The following XDH variants were observed in gnomAD, a reference collection of about 807,000 sequenced individuals.
XDH encodes xanthine dehydrogenase/oxidase.
A neutral mutation model predicts 156.1 loss-of-function variants in XDH; 138 were observed. The ratio of observed to expected loss-of-function variants is 0.88; its 90% CI spans 0.77 to 1.02. XDH has a LOEUF of 1.02. Among genes scored for constraint, XDH ranks in the 50% least tolerant of loss-of-function variants. XDH has a pLI of 0.00. For missense variants in XDH, 1,849 were observed against 1,684.9 expected (o/e 1.10, Z -1.71); for synonymous variants, 669 against 625.7 (o/e 1.07, Z -1.03).
chr2:31,396,824 G>A (rs976561191), intron 6 of XDH, among the ~76,000 whole-genome samples: 3 of 152,164 alleles, frequency 2.0e-5, no homozygotes, highest in African/African-American at 7.2e-5. Flanking sequence ...AGAGTGTGGT[G>A]TTTTCCATCC....
intron 19 of XDH, 111 bp downstream of exon 19, chr2:31,368,430 A>G: frequency 2.9e-6 from 4 of 1,388,162 alleles, no homozygotes; most frequent in South Asian, 1.2e-5. Flanking sequence ...TTAAAAACCC[A>G]TCTAGTCAAA....
chr2:31,369,213 G>A (rs45529840), intron 18 of XDH, among the ~76,000 whole-genome samples: 11 of 151,952 alleles, frequency 7.2e-5, no homozygotes, highest in East Asian at 1.9e-4. Flanking sequence ...TGTAAGACAC[G>A]TACTTACAAG....
chr2:31,354,992 A>T (rs1259716351), intron 24 of XDH, among the ~76,000 whole-genome samples: 1 of 152,220 alleles, frequency 6.6e-6, no homozygotes, highest in Non-Finnish European at 1.5e-5. Flanking sequence ...TATCATAATT[A>T]AACTTCTGAA....
Position 31,349,562 on chromosome 2 carries a change from G to C in XDH, c.2969+124C>G, listed in dbSNP as rs533559059. 5.7e-6 allele frequency: 8 copies of C among 1,410,730 alleles called. No homozygotes were observed. In the African/African-American group the frequency reaches 1.1e-4, roughly 20 times the overall value. The allele number at this position is 1,410,730 out of a possible 1,614,324, so 87.4% of individuals were successfully genotyped here. ...ATCTTAAAGAGATGGCTGTGAATGA[G>C]TTGGCAAACTCAGCAGTCTCATAAG... is the stretch of plus-strand genomic sequence containing the variant. On this transcript the variant is annotated intron_variant, in intron 26 of 35. Coordinates refer to ENST00000379416, the MANE Select transcript of XDH (RefSeq NM_000379.4).
chr2:31,353,167 C>G (rs557746383), intron 24 of XDH, among the ~76,000 whole-genome samples: 29 of 152,226 alleles, frequency 1.9e-4, no homozygotes, highest in Admixed American at 6.5e-4. Context: ...TCCAAGCCCT[C>G]TAGTTATTTT....
intron 35 of XDH, among the ~76,000 whole-genome samples, chr2:31,337,019 A>G (rs1003551322): frequency 6.6e-6 from 1 of 151,454 alleles, no homozygotes; most frequent in Non-Finnish European, 1.5e-5. Context: ...TACAAGTATC[A>G]CATAGGTGCT....
intron 20 of XDH, 129 bp from the exon 21 acceptor site, chr2:31,367,123 G>A (rs1181370769): frequency 5.3e-6 from 8 of 1,507,902 alleles, no homozygotes; most frequent in Non-Finnish European, 7.2e-6. Flanking sequence ...GTAACCTCAA[G>A]GTTTCCCACT....
In XDH at chr2:31,366,908, C is replaced by T; in HGVS notation, c.2284G>A (p.Glu762Lys). Residue 762 changes from glutamate to lysine, a missense_variant, in exon 21 of 36, where the codon GAG (glutamate) becomes AAG (lysine). Transcript: ENST00000379416. Reference sequence around the variant, plus strand: ...GTGTTCTGTGTAGACACAAAGAGCTCCATCTCCCCTGCCTCGCCTTTTGGA... The same window carrying T: ...GTGTTCTGTGTAGACACAAAGAGCTTCATCTCCCCTGCCTCGCCTTTTGGA... ...AVPKGEAGEM[E>K]LFVSTQNTMK... 6.2e-7 allele frequency: 1 copy of T among 1,614,224 alleles called. No individual in the cohort carries two copies. Among genetic ancestry groups the T allele is most frequent in the Non-Finnish European group, 8.5e-7 (1 of 1,180,028 alleles).
At chr2:31,364,351 A>G in intron 23 of XDH, 107 bp from the exon 24 acceptor site, 1 of 1,087,426 alleles carries the variant, frequency 9.2e-7, no homozygotes, top group African/African-American at 1.5e-5. Context: ...GGAAATAAAC[A>G]GAACACCACA....
At chr2:31,361,696 T>C (rs1685785128) in intron 24 of XDH, among the ~76,000 whole-genome samples, 1 of 152,206 alleles carries the variant, frequency 6.6e-6, no homozygotes, top group Admixed American at 6.5e-5. Flanking sequence ...GCAGGTTGGC[T>C]TAATGAGGAA....
intron 26 of XDH, 73 bp from the exon 27 acceptor site, chr2:31,349,053 A>G: frequency 7.0e-7 from 1 of 1,420,456 alleles, no homozygotes; most frequent in Non-Finnish European, 9.8e-7. Context: ...GGATGTTCAC[A>G]TCAAAACAGG....
In XDH at chr2:31,379,925, T is replaced by C. The variant is rs34929837; in HGVS notation, c.1184A>G (p.Lys395Arg). The C allele has an allele frequency of 6.2e-7, 1 of 1,614,150 alleles. No homozygotes were observed. The highest frequency in any genetic ancestry group is 1.1e-5 in the South Asian group (1 of 91,078). Reference protein sequence around the residue: ...MDHTFFPGYRKTLLSPEEILL... With the variant: ...MDHTFFPGYRRTLLSPEEILL... Reference sequence around the variant, plus strand: ...TATCTCCTCCGGGCTCAGCAGGGTCTTTCTGTAGCCAGGGAAGAAGGTGTG... The same window carrying C: ...TATCTCCTCCGGGCTCAGCAGGGTCCTTCTGTAGCCAGGGAAGAAGGTGTG... Residue 395 changes from lysine to arginine, a missense_variant, in exon 13 of 36, where the codon AAG (lysine) becomes AGG (arginine). By Grantham distance (26) the Lys-to-Arg change is conservative. Coordinates refer to ENST00000379416, the MANE Select transcript of XDH (RefSeq NM_000379.4).
In XDH at chr2:31,364,234, A is replaced by C; in HGVS notation, c.2555T>G (p.Met852Arg). Residue 852 changes from methionine (M) to arginine (R), a missense_variant, in exon 24 of 36, where the codon ATG becomes AGG. Met to Arg is a moderately conservative substitution (Grantham distance 91). Transcript: ENST00000379416. The part of the protein sequence containing the change: ...PFLARYKVGF[M>R]KTGTVVALEV... ...AAGAGCCACAACTGTCCCAGTCTTC[A>C]TGAAGCCAACCTGATAAAAGGAGAA... 1 of 1,614,162 alleles carries C rather than the reference A, an allele frequency of 6.2e-7. No individual in the cohort carries two copies. The highest frequency in any genetic ancestry group is 8.5e-7 in the Non-Finnish European group (1 of 1,180,040).
chr2:31,338,070 G>A (rs1476936540), intron 34 of XDH, among the ~76,000 whole-genome samples: 2 of 152,182 alleles, frequency 1.3e-5, no homozygotes, highest in Admixed American at 6.5e-5. Flanking sequence ...AATTTTCTCT[G>A]ATGACATCAT....
chr2:31,350,334 A>G lies in XDH; in HGVS notation c.2632-111T>C, dbSNP rs1685434059. On this transcript the variant is annotated intron_variant, in intron 24 of 35. Transcript: ENST00000379416. ...TTGCCTGCCTTTCCCCTCTGCACCC[A>G]AGTTATTTCTCCCCCAGGATATTGC... 2.0e-5 allele frequency: 17 copies of G among 865,924 alleles called. No individual in the cohort carries two copies. In the South Asian group the frequency reaches 2.3e-4, roughly 12 times the overall value. The allele number at this position is 865,924 out of a possible 1,614,324, so 53.6% of individuals were successfully genotyped here.
At chr2:31,386,993 AAGGAAG>A (rs1686624136) in intron 8 of XDH, among the ~76,000 whole-genome samples, 3 of 8,020 alleles carry the variant, frequency 3.7e-4, no homozygotes, top group African/African-American at 1.4e-3. Context: ...GGAAGAAAGG[AAGGAAG>A]GAAGGAAGGA....
intron 25 of XDH, 90 bp from the exon 26 acceptor site, chr2:31,349,921 A>G: frequency 6.2e-7 from 1 of 1,611,802 alleles, no homozygotes; most frequent in South Asian, 1.1e-5. Context: ...CAACCCCCTC[A>G]GCAGCCCCTG....
At chr2:31,368,956 G>C (rs1685997280) in intron 18 of XDH, among the ~76,000 whole-genome samples, 1 of 152,136 alleles carries the variant, frequency 6.6e-6, no homozygotes, top group Non-Finnish European at 1.5e-5. Context: ...AGCAGAAAGG[G>C]GGATATGGCA....
chr2:31,396,870 C>G (rs1350002354), intron 6 of XDH, among the ~76,000 whole-genome samples: 1 of 152,184 alleles, frequency 6.6e-6, no homozygotes, highest in Non-Finnish European at 1.5e-5. Context: ...CCCACCCCTT[C>G]TTGGATTATA....
Sources: gnomAD v4.1 joint callset for allele counts (sites outside exome capture counted in the v4.1 genomes callset) on GRCh38, gnomAD v4.1.1 for gene constraint, MANE v1.5 for transcripts, NCBI Gene and HGNC (gene_info 2026-07-23, HGNC 2026-07-21) for gene names.